Variants in PDE8A observed in about 807,000 individuals in gnomAD.
PDE8A encodes the protein phosphodiesterase 8A.
A neutral mutation model predicts 105.0 loss-of-function variants in PDE8A; 59 were observed. That is an observed-to-expected ratio of 0.56 (90% CI 0.46 to 0.70). The LOEUF (loss-of-function observed/expected upper bound fraction) is 0.70. Ranked by LOEUF, PDE8A falls within the 30% of genes least tolerant of loss-of-function variation. PDE8A has a pLI of 0.00. For missense variants in PDE8A, 1,014 were observed against 1,045.9 expected, an observed-to-expected ratio of 0.97 and a Z score of 0.42; for synonymous variants, 355 against 371.9, an observed-to-expected ratio of 0.95 and a Z score of 0.52.
intron 1 of PDE8A, among the ~76,000 whole-genome samples, chr15:84,983,274 C>A (rs1210618605): frequency 1.3e-5 from 2 of 152,222 alleles, no homozygotes; most frequent in Non-Finnish European, 2.9e-5. Context: ...TAAAAGACAA[C>A]AACAACAAAA....
rs559416810 is a variant in PDE8A at position 85,133,499 on chromosome 15, T to A, written c.2254-3035T>A. On this transcript the variant is annotated intron_variant, in intron 20 of 21. Transcript: ENST00000394553. ...CACACTGGGGAAGTGTGGTGCAAGG[T>A]TGAGTGAAAATACCCTTAAGTTTCC... Among the ~76,000 whole-genome samples, 35 of 152,242 alleles carry A rather than the reference T, an allele frequency of 2.3e-4. No homozygotes were observed. The East Asian group carries it at 6.7e-3, about 29-fold the overall frequency.
chr15:85,064,478 G>T (rs758890048), intron 2 of PDE8A, 52 bp downstream of exon 2: 1 of 1,165,494 alleles, frequency 8.6e-7, no homozygotes, highest in South Asian at 1.3e-5. Context: ...TTTAAAAAGG[G>T]TGGAGGTGGA....
At chr15:85,086,834 T>G (rs995660206) in intron 6 of PDE8A, among the ~76,000 whole-genome samples, 1 of 152,112 alleles carries the variant, frequency 6.6e-6, no homozygotes, top group Admixed American at 6.5e-5. Context: ...CACTGCAACC[T>G]TCACCTCCCA....
intron 19 of PDE8A, among the ~76,000 whole-genome samples, chr15:85,125,276 T>C (rs1387917169): frequency 6.6e-6 from 1 of 152,190 alleles, no homozygotes; most frequent in African/African-American, 2.4e-5. Flanking sequence ...CATATTGAAA[T>C]ATATGACTAA....
At chr15:85,082,006 A>AG (rs1269135056) in intron 5 of PDE8A, among the ~76,000 whole-genome samples, 1 of 152,138 alleles carries the variant, frequency 6.6e-6, no homozygotes, top group Admixed American at 6.5e-5. Flanking sequence ...GGAGGAACTG[A>AG]GGACCCCTGT....
At chr15:85,019,956 T>G (rs1169850870) in intron 1 of PDE8A, among the ~76,000 whole-genome samples, 4 of 141,444 alleles carry the variant, frequency 2.8e-5, no homozygotes, top group African/African-American at 1.1e-4. Flanking sequence ...TTTTTTTTTT[T>G]TTTTTTTTTT....
chr15:85,114,642 T>G (rs571550987), intron 14 of PDE8A, among the ~76,000 whole-genome samples: 3 of 152,204 alleles, frequency 2.0e-5, no homozygotes, highest in Non-Finnish European at 2.9e-5. Context: ...TGTCAGCTTT[T>G]GTCTTGGTCA....
At chr15:85,020,865 T>A (rs982031687) in intron 1 of PDE8A, among the ~76,000 whole-genome samples, 2 of 152,202 alleles carry the variant, frequency 1.3e-5, no homozygotes, top group Non-Finnish European at 2.9e-5. Context: ...AAGGACATTC[T>A]CTATTATCAA....
In PDE8A at chr15:85,067,108, C is replaced by T. The variant is rs1309382639; in HGVS notation, c.338C>T (p.Ala113Val). 2.5e-6 allele frequency: 4 copies of T among 1,612,590 alleles called. No homozygotes were observed. The highest frequency in any genetic ancestry group is 3.4e-6 in the Non-Finnish European group (4 of 1,178,700). The change falls in exon 3 of 22, where the codon GCT becomes GTT. Residue 113 changes from alanine to valine, a missense_variant. Ala to Val is a moderately conservative substitution (Grantham distance 64). Transcript: ENST00000394553. ...AGFKCTVTKE[A>V]QAVLACFLDK... ...TTTAAGTGTACAGTTACCAAGGAGG[C>T]TCAGGCTGTCCTTGCCTGTTTCCTG...
At chr15:85,020,790 C>A (rs2080412738) in intron 1 of PDE8A, among the ~76,000 whole-genome samples, 2 of 152,114 alleles carry the variant, frequency 1.3e-5, no homozygotes, top group African/African-American at 2.4e-5. Flanking sequence ...TTTTCTTAAT[C>A]ATTTAAAGTA....
At chr15:85,100,594 C>T (rs954420048) in intron 11 of PDE8A, among the ~76,000 whole-genome samples, 9 of 152,240 alleles carry the variant, frequency 5.9e-5, no homozygotes, top group African/African-American at 1.9e-4. Flanking sequence ...CCAGGCCCCT[C>T]GCACTTGCCT....
At chr15:85,005,994 G>C (rs1242695789) in intron 1 of PDE8A, among the ~76,000 whole-genome samples, 1 of 151,962 alleles carries the variant, frequency 6.6e-6, no homozygotes, top group Non-Finnish European at 1.5e-5. Context: ...CACCAAATAC[G>C]AAAACAGTTG....
chr15:85,018,296 A>G (rs1301644549), intron 1 of PDE8A, among the ~76,000 whole-genome samples: 2 of 152,240 alleles, frequency 1.3e-5, no homozygotes, highest in Non-Finnish European at 2.9e-5. Context: ...TCAGGACAAG[A>G]TGAGTCTATG....
chr15:85,096,922 A>G (rs746390511), intron 8 of PDE8A, among the ~76,000 whole-genome samples: 10 of 152,154 alleles, frequency 6.6e-5, no homozygotes, highest in Non-Finnish European at 1.3e-4. Context: ...TCTGAAGATG[A>G]GCTCTTATCA....
intron 1 of PDE8A, among the ~76,000 whole-genome samples, chr15:84,989,888 G>T (rs1017579063): frequency 6.6e-6 from 1 of 152,090 alleles, no homozygotes; most frequent in Non-Finnish European, 1.5e-5. Context: ...GCACTCATAT[G>T]CCTGCCATCT....
chr15:85,034,701 ATATTT>A (rs1033676819), intron 1 of PDE8A, among the ~76,000 whole-genome samples: 18 of 152,190 alleles, frequency 1.2e-4, no homozygotes. Flanking sequence ...GGAGAAGAAA[ATATTT>A]TATTTATTTA....
At chr15:84,994,602 C>A (rs1014872464) in intron 1 of PDE8A, among the ~76,000 whole-genome samples, 1 of 152,344 alleles carries the variant, frequency 6.6e-6, no homozygotes, top group East Asian at 1.9e-4. Context: ...ACTGTACTTG[C>A]TTTATCACAT....
chr15:85,051,142 T>C (rs1323388032), intron 1 of PDE8A, among the ~76,000 whole-genome samples: 1 of 152,230 alleles, frequency 6.6e-6, no homozygotes, highest in Admixed American at 6.5e-5. Context: ...GCAGCTTGTT[T>C]GGTGTGTTGC....
intron 20 of PDE8A, among the ~76,000 whole-genome samples, chr15:85,130,957 A>G (rs751923379): frequency 1.3e-5 from 2 of 152,022 alleles, no homozygotes; most frequent in African/African-American, 4.8e-5. Flanking sequence ...ACGGGGTTTC[A>G]TGTTGGTCAG....
Sources: allele counts gnomAD v4.1 joint callset (sites outside exome capture counted in the v4.1 genomes callset), GRCh38; gene constraint gnomAD v4.1.1; transcripts MANE v1.5; gene names NCBI Gene and HGNC (gene_info 2026-07-23, HGNC 2026-07-21).